ZSWIM6: variants seen among roughly 807,000 people sequenced by gnomAD.
The protein encoded by ZSWIM6 is zinc finger SWIM domain-containing protein 6.
Under a neutral mutation model 113.2 loss-of-function variants are expected in ZSWIM6, and 9 were observed. The observed-to-expected ratio is 0.08, with a 90% CI of 0.05 to 0.14. ZSWIM6 has a LOEUF of 0.14. Among genes scored for constraint, ZSWIM6 ranks in the 10% least tolerant of loss-of-function variants. ZSWIM6 has a pLI of 1.00. For synonymous variants in ZSWIM6, 611 were observed against 606.5 expected (o/e 1.01, Z -0.11); for missense variants, 1,162 against 1,552.2 (o/e 0.75, Z 4.22).
At chr5:61,506,612 A>T (rs1748629518) in intron 4 of ZSWIM6, among the ~76,000 whole-genome samples, 1 of 152,078 alleles carries the variant, frequency 6.6e-6, no homozygotes, top group South Asian at 2.1e-4. Context: ...CAAACATGGG[A>T]TGACTGACAT....
chr5:61,419,493 T>C (rs1365090456), intron 1 of ZSWIM6, among the ~76,000 whole-genome samples: 1 of 152,218 alleles, frequency 6.6e-6, no homozygotes, highest in Non-Finnish European at 1.5e-5. Context: ...GGTCTAGAAC[T>C]GAGCTGCCCA....
intron 8 of ZSWIM6, among the ~76,000 whole-genome samples, chr5:61,530,739 G>A (rs973356564): frequency 1.3e-5 from 2 of 152,136 alleles, no homozygotes; most frequent in Non-Finnish European, 2.9e-5. Flanking sequence ...ACTGCCCAAG[G>A]GCAGTGGGTG....
chr5:61,391,763 G>A, intron 1 of ZSWIM6: 2 of 1,062,996 alleles, frequency 1.9e-6, no homozygotes, highest in East Asian at 2.4e-5. Flanking sequence ...AGCTTGGAAG[G>A]GTCATCCTTA....
At chr5:61,517,663 G>A (rs1748985698) in intron 4 of ZSWIM6, among the ~76,000 whole-genome samples, 1 of 151,602 alleles carries the variant, frequency 6.6e-6, no homozygotes, top group Non-Finnish European at 1.5e-5. Flanking sequence ...ACATTTTGCT[G>A]TTTCTTTGTA....
chr5:61,438,309 C>T (rs1746753509), intron 1 of ZSWIM6, among the ~76,000 whole-genome samples: 1 of 152,180 alleles, frequency 6.6e-6, no homozygotes, highest in African/African-American at 2.4e-5. Context: ...GATTTACTAG[C>T]AGCTGTTGAA....
At chr5:61,519,466 A>C (rs189438318) in intron 4 of ZSWIM6, among the ~76,000 whole-genome samples, 1 of 152,244 alleles carries the variant, frequency 6.6e-6, no homozygotes, top group East Asian at 1.9e-4. Context: ...AGTCACCCCC[A>C]TCAGGATTGC....
intron 4 of ZSWIM6, among the ~76,000 whole-genome samples, chr5:61,495,875 A>G (rs900023175): frequency 1.3e-5 from 2 of 152,146 alleles, no homozygotes; most frequent in Non-Finnish European, 2.9e-5. Flanking sequence ...AAAATTATTG[A>G]ATTAATATTA....
At chr5:61,366,043 G>A (rs1399222746) in intron 1 of ZSWIM6, among the ~76,000 whole-genome samples, 1 of 151,894 alleles carries the variant, frequency 6.6e-6, no homozygotes, top group Non-Finnish European at 1.5e-5. Context: ...TACAGGCGCC[G>A]GGCACCATGC....
intron 2 of ZSWIM6, among the ~76,000 whole-genome samples, chr5:61,475,020 G>A (rs1408067291): frequency 6.6e-6 from 1 of 152,154 alleles, no homozygotes; most frequent in African/African-American, 2.4e-5. Context: ...ATGTATTCAA[G>A]GACTTTTTCA....
At chr5:61,400,263 A>G (rs970334502) in intron 1 of ZSWIM6, among the ~76,000 whole-genome samples, 2 of 152,170 alleles carry the variant, frequency 1.3e-5, no homozygotes, top group Non-Finnish European at 2.9e-5. Context: ...TTGAACAAGA[A>G]TTATGTCAGT....
At chr5:61,527,132 CTGAG>C (rs1458914892) in intron 7 of ZSWIM6, among the ~76,000 whole-genome samples, 4 of 152,264 alleles carry the variant, frequency 2.6e-5, no homozygotes, top group East Asian at 3.9e-4. Flanking sequence ...ATAACTATTA[CTGAG>C]TAATAGTAAT....
Position 61,545,560 on chromosome 5 carries a change from T to TAACATTA in ZSWIM6, c.*1244_*1250dup. On this transcript the variant is annotated 3_prime_UTR_variant, in exon 14 of 14. Coordinates refer to ENST00000252744, the MANE Select transcript of ZSWIM6 (RefSeq NM_020928.2). ...TAATAAGCTAACCTTTGTGCACAAA[T>TAACATTA]AACATTATATATATTATATATCTAT... 6.6e-6 allele frequency: 1 copy of TAACATTA among 152,312 alleles called. No individual in the cohort carries two copies. Among genetic ancestry groups the TAACATTA allele is most frequent in the East Asian group, 1.9e-4 (1 of 5,192 alleles). The allele number at this position is 152,312 out of a possible 1,614,324, so 9.4% of individuals were successfully genotyped here.
At chr5:61,457,197 G>A (rs953637884) in intron 1 of ZSWIM6, among the ~76,000 whole-genome samples, 1 of 152,090 alleles carries the variant, frequency 6.6e-6, no homozygotes, top group Non-Finnish European at 1.5e-5. Context: ...GTCTACTTTA[G>A]AGAAAAGAAG....
At position 61,537,180 on chromosome 5, in the gene ZSWIM6, C is replaced by A. The variant is rs1314302881; in HGVS notation, c.2381+1561C>A. ...GGCTTATGTAATGGTATGTGCCAGG[C>A]AGAAAGGCTTGCTTTTCTAACACTC... is the stretch of plus-strand genomic sequence containing the variant. On this transcript the variant is annotated intron_variant, in intron 10 of 13. Coordinates refer to ENST00000252744, the MANE Select transcript of ZSWIM6 (RefSeq NM_020928.2). 4.6e-5 allele frequency among the ~76,000 whole-genome samples: 7 copies of A among 152,192 alleles called. No individual in the cohort carries two copies. The East Asian group carries it at 1.3e-3, about 29-fold the overall frequency.
chr5:61,527,549 A>G (rs1338729783), intron 7 of ZSWIM6, among the ~76,000 whole-genome samples: 2 of 152,198 alleles, frequency 1.3e-5, no homozygotes, highest in African/African-American at 4.8e-5. Flanking sequence ...GATTGTCGTG[A>G]CTTTGTCCAG....
chr5:61,531,129 G>A (rs6879809), intron 8 of ZSWIM6, among the ~76,000 whole-genome samples: 92,647 of 152,074 alleles, frequency 0.61, 30,641 homozygotes, highest in African/African-American at 0.87. Flanking sequence ...GCAAGTCATC[G>A]TGTAATTTTA....
intron 1 of ZSWIM6, among the ~76,000 whole-genome samples, chr5:61,382,532 A>G (rs988640420): frequency 7.9e-5 from 12 of 152,196 alleles, no homozygotes; most frequent in African/African-American, 2.9e-4. Flanking sequence ...GGCTGGGCGC[A>G]GTGGCTCATG....
chr5:61,452,161 C>T (rs1019021210), intron 1 of ZSWIM6, among the ~76,000 whole-genome samples: 6 of 152,126 alleles, frequency 3.9e-5, no homozygotes, highest in African/African-American at 1.4e-4. Flanking sequence ...TAATTTCCCA[C>T]TGAGTGTCCT....
intron 1 of ZSWIM6, among the ~76,000 whole-genome samples, chr5:61,415,078 A>G (rs1746219502): frequency 6.6e-6 from 1 of 152,208 alleles, no homozygotes; most frequent in African/African-American, 2.4e-5. Flanking sequence ...TTTGACTGGC[A>G]CCAAAGCTGA....
Sources: allele counts gnomAD v4.1 joint callset (sites outside exome capture counted in the v4.1 genomes callset), GRCh38; gene constraint gnomAD v4.1.1; transcripts MANE v1.5; gene names NCBI Gene and HGNC (gene_info 2026-07-23, HGNC 2026-07-21).